The following CHST8 variants were observed in gnomAD, a reference collection of about 807,000 sequenced individuals.
CHST8 encodes GALNAC-4-ST1.
A neutral mutation model predicts 15.0 loss-of-function variants in CHST8; 10 were observed. The observed-to-expected ratio is 0.67, with a 90% CI of 0.41 to 1.13. CHST8 has a LOEUF of 1.13. CHST8 is among the 50% of genes most tolerant of loss of function. The pLI, the probability that CHST8 is intolerant of heterozygous loss-of-function variation, is 0.00. For synonymous variants in CHST8, 259 were observed against 256.6 expected (o/e 1.01, Z -0.09); for missense variants, 634 against 608.2 (o/e 1.04, Z -0.45).
chr19:33,654,554 T>C (rs1972486480), intron 1 of CHST8, among the ~76,000 whole-genome samples: 1 of 152,062 alleles, frequency 6.6e-6, no homozygotes, highest in South Asian at 2.1e-4. Context: ...CCTCCATGGG[T>C]TCATCAGTTT....
At chr19:33,718,507 G>C (rs1410738404) in intron 3 of CHST8, among the ~76,000 whole-genome samples, 1 of 152,192 alleles carries the variant, frequency 6.6e-6, no homozygotes, top group East Asian at 1.9e-4. Context: ...TGCAGGCTCA[G>C]CTAGCATGTC....
intron 2 of CHST8, among the ~76,000 whole-genome samples, chr19:33,669,663 T>TG (rs1388248253): frequency 6.6e-6 from 1 of 152,168 alleles, no homozygotes; most frequent in African/African-American, 2.4e-5. Flanking sequence ...CCATGAAACC[T>TG]GCAGTGAGGG....
intron 3 of CHST8, among the ~76,000 whole-genome samples, chr19:33,693,654 T>G (rs1442361371): frequency 7.2e-5 from 11 of 152,190 alleles, no homozygotes; most frequent in Admixed American, 7.2e-4. Flanking sequence ...ATTTGGCTGA[T>G]TGGGCCTGTC....
At chr19:33,651,437 A>T (rs1257196766) in intron 1 of CHST8, among the ~76,000 whole-genome samples, 1 of 152,156 alleles carries the variant, frequency 6.6e-6, no homozygotes, top group Admixed American at 6.5e-5. Context: ...CCCCAAATGT[A>T]TTTAATCTAT....
intron 3 of CHST8, among the ~76,000 whole-genome samples, chr19:33,719,071 C>T (rs1223890374): frequency 6.6e-6 from 1 of 152,136 alleles, no homozygotes; most frequent in African/African-American, 2.4e-5. Flanking sequence ...TCCCCCACCC[C>T]CCTGCCAGTG....
At chr19:33,721,327 A>G (rs943778496) in intron 3 of CHST8, among the ~76,000 whole-genome samples, 1 of 152,160 alleles carries the variant, frequency 6.6e-6, no homozygotes, top group East Asian at 1.9e-4. Context: ...GAGATCGGGC[A>G]TCCTCCAGGA....
rs769793527 is a variant in CHST8, at chr19:33,772,998, T to C, written c.1210T>C (p.Tyr404His). Residue 404 changes from tyrosine (Y) to histidine (H), a missense_variant, in exon 5 of 5, where the codon TAC (tyrosine) becomes CAC (histidine). Tyr to His is a moderately conservative substitution (Grantham distance 83). Coordinates refer to ENST00000650847, the MANE Select transcript of CHST8 (RefSeq NM_001127895.2). The part of the protein sequence containing the change: ...QLSALQRQRT[Y>H]DFYYMDYLMF... ...CTCGGCCCTGCAAAGGCAGCGCACC[T>C]ACGACTTCTACTACATGGATTACCT... 1.9e-6 allele frequency: 3 copies of C among 1,613,108 alleles called. No individual in the cohort carries two copies. Among genetic ancestry groups the C allele is most frequent in the Non-Finnish European group, 2.5e-6 (3 of 1,180,012 alleles).
At chr19:33,726,627 C>A (rs955925275) in intron 3 of CHST8, among the ~76,000 whole-genome samples, 2 of 152,148 alleles carry the variant, frequency 1.3e-5, no homozygotes, top group African/African-American at 2.4e-5. Flanking sequence ...GGGTGGCTCA[C>A]AGGATGGGGC....
At position 33,687,994 on chromosome 19, in the gene CHST8, G is replaced by A. The variant is rs142299224; in HGVS notation, c.-86-1182G>A. Among the ~76,000 whole-genome samples, 802 of 152,300 alleles carry A rather than the reference G, an allele frequency of 5.3e-3. 2 individuals carry two copies. Among genetic ancestry groups the A allele is most frequent in the Non-Finnish European group, 7.9e-3 (538 of 68,016 alleles). On this transcript the variant is annotated intron_variant, in intron 2 of 4. Transcript: ENST00000650847. ...CCTCACCTCCCTCAGGCACTGACCTGTGCCAGGGTGGGGATGTTCCCTCCA... is the reference window on the plus strand; with the variant it reads ...CCTCACCTCCCTCAGGCACTGACCTATGCCAGGGTGGGGATGTTCCCTCCA...
chr19:33,712,670 T>C (rs1973579313), intron 3 of CHST8, among the ~76,000 whole-genome samples: 1 of 152,162 alleles, frequency 6.6e-6, no homozygotes, highest in African/African-American at 2.4e-5. Context: ...GTCTTAACTT[T>C]AGGCCTTGCA....
intron 3 of CHST8, among the ~76,000 whole-genome samples, chr19:33,736,420 G>A (rs1974084806): frequency 6.6e-6 from 1 of 152,186 alleles, no homozygotes; most frequent in Non-Finnish European, 1.5e-5. Flanking sequence ...GCACCAGGCT[G>A]TTTTGTCAGC....
chr19:33,683,833 T>C (rs1388459158), intron 2 of CHST8, among the ~76,000 whole-genome samples: 3 of 152,194 alleles, frequency 2.0e-5, no homozygotes, highest in Non-Finnish European at 4.4e-5. Context: ...ACCGCGATGG[T>C]GCTCTCAGGG....
chr19:33,760,418 A>G (rs1974699466), intron 3 of CHST8, among the ~76,000 whole-genome samples: 1 of 151,246 alleles, frequency 6.6e-6, no homozygotes, highest in South Asian at 2.1e-4. Flanking sequence ...CTTGGACTCA[A>G]CTGATCCTCC....
chr19:33,625,192 T>G (rs1218816790), intron 1 of CHST8, among the ~76,000 whole-genome samples: 1 of 151,928 alleles, frequency 6.6e-6, no homozygotes, highest in African/African-American at 2.4e-5. Context: ...TTCAAGCAAT[T>G]CTCCTGCCTC....
At chr19:33,696,442 G>A (rs78324251) in intron 3 of CHST8, among the ~76,000 whole-genome samples, 4,068 of 152,090 alleles carry the variant, frequency 0.027, 82 homozygotes, top group Non-Finnish European at 0.045. Context: ...AGAAGAGCTC[G>A]AACCCTCTTG....
intron 1 of CHST8, among the ~76,000 whole-genome samples, chr19:33,657,156 C>CACACACAA (rs756944119): frequency 0.038 from 5,523 of 146,420 alleles, 166 homozygotes; most frequent in South Asian, 0.1. Context: ...CACACACACA[C>CACACACAA]AAACACACAT....
At chr19:33,628,103 AAGG>A (rs1441845751) in intron 1 of CHST8, among the ~76,000 whole-genome samples, 2 of 152,138 alleles carry the variant, frequency 1.3e-5, no homozygotes, top group Non-Finnish European at 2.9e-5. Flanking sequence ...CTGCGGTCTG[AAGG>A]AGGAGTGGGA....
intron 1 of CHST8, among the ~76,000 whole-genome samples, chr19:33,652,372 C>CTTT (rs971053736): frequency 3.2e-3 from 321 of 100,542 alleles, no homozygotes; most frequent in Admixed American, 4.0e-3. Flanking sequence ...TTTTCTCTCT[C>CTTT]TTTTTTTTTT....
At chr19:33,751,440 G>A (rs1974418741) in intron 3 of CHST8, among the ~76,000 whole-genome samples, 1 of 152,252 alleles carries the variant, frequency 6.6e-6, no homozygotes, top group Non-Finnish European at 1.5e-5. Context: ...CCAGTGAGCA[G>A]GCATAGGTAA....
Sources: gnomAD v4.1 joint callset for allele counts (sites outside exome capture counted in the v4.1 genomes callset) on GRCh38, gnomAD v4.1.1 for gene constraint, MANE v1.5 for transcripts, NCBI Gene and HGNC (gene_info 2026-07-23, HGNC 2026-07-21) for gene names.